IRAK4: variants seen among roughly 807,000 people sequenced by gnomAD.
IRAK4 encodes interleukin-1 receptor-associated kinase 4.
In IRAK4, 44 loss-of-function variants were observed where a neutral mutation model predicts 51.8. The ratio of observed to expected loss-of-function variants is 0.85; its 90% CI spans 0.67 to 1.09. IRAK4 has a LOEUF of 1.09. IRAK4 is among the 50% of genes least tolerant of loss of function. The pLI is 0.00. For synonymous variants in IRAK4, 149 were observed against 174.1 expected, an observed-to-expected ratio of 0.86 and a Z score of 1.13; for missense variants, 487 against 538.0, an observed-to-expected ratio of 0.91 and a Z score of 0.94.
chr12:43,789,203 G>GTGTT lies in IRAK4; in HGVS notation c.*2491_*2494dup, dbSNP rs1339502282. On this transcript the variant is annotated 3_prime_UTR_variant, in exon 12 of 12. Transcript: ENST00000613694. ...GGGTGGAGGTGGGGCCTGATGGGAA[G>GTGTT]TGTTTGGGTCATGGTGGATGATCCC... The GTGTT allele has an allele frequency of 6.6e-6, 1 of 152,214 alleles. No homozygotes were observed. The highest frequency in any genetic ancestry group is 1.5e-5 in the Non-Finnish European group (1 of 68,066). The allele number at this position is 152,214 out of a possible 1,614,324, so 9.4% of individuals were successfully genotyped here.
chr12:43,778,343 A>G, intron 8 of IRAK4, 41 bp downstream of exon 8: 1 of 1,112,726 alleles, frequency 9.0e-7, no homozygotes, highest in Non-Finnish European at 1.4e-6. Context: ...AGCTGTCTTT[A>G]AAGAATAATT....
Position 43,783,653 on chromosome 12 carries a change from T to G in IRAK4, c.1126-9T>G. ...TGTATTATATTAATGATTTTTTTTG[T>G]CTTCATAGGTTTTACTAGAAATAAT... On this transcript the variant is annotated splice_polypyrimidine_tract_variant and intron_variant, in intron 9 of 11. Coordinates refer to ENST00000613694, the MANE Select transcript of IRAK4 (RefSeq NM_016123.4). 1.3e-6 allele frequency: 2 copies of G among 1,575,828 alleles called. No individual in the cohort carries two copies.
intron 3 of IRAK4, 33 bp downstream of exon 3, chr12:43,771,398 A>G (rs1565669818): frequency 2.5e-6 from 4 of 1,610,362 alleles, no homozygotes; most frequent in Non-Finnish European, 1.7e-6. Flanking sequence ...GTCCACAATT[A>G]GGGTGGAAAG....
At chr12:43,774,684 T>A (rs1941110772) in intron 6 of IRAK4, among the ~76,000 whole-genome samples, 1 of 152,210 alleles carries the variant, frequency 6.6e-6, no homozygotes, top group Admixed American at 6.5e-5. Context: ...TAATAGGCCC[T>A]TATATATAAA....
Position 43,768,160 on chromosome 12 carries a change from G to A in IRAK4, c.49G>A (p.Gly17Arg), listed in dbSNP as rs1332080757. 1.2e-6 allele frequency: 2 copies of A among 1,613,574 alleles called. No individual in the cohort carries two copies. Among genetic ancestry groups the A allele is most frequent in the Non-Finnish European group, 1.7e-6 (2 of 1,179,688 alleles). The stretch of plus-strand genomic sequence containing the variant: ...AACATATGTGCGCTGCCTCAATGTT[G>A]GACTAATTAGGAAGCTGTCAGATTT... ...PSTYVRCLNV[G>R]LIRKLSDFID... Residue 17 changes from glycine to arginine, a missense_variant, in exon 2 of 12, where the codon GGA (glycine) becomes AGA (arginine). Physicochemically the swap from Gly to Arg is moderately radical, Grantham distance 125. Coordinates refer to ENST00000613694, the MANE Select transcript of IRAK4 (RefSeq NM_016123.4).
intron 4 of IRAK4, 92 bp downstream of exon 4, chr12:43,772,454 C>T: frequency 9.1e-7 from 1 of 1,100,274 alleles, no homozygotes; most frequent in Admixed American, 1.7e-5. Context: ...GTTTGTGCAG[C>T]AATCACAGGC....
At chr12:43,780,084 G>A (rs1400401755) in intron 8 of IRAK4, among the ~76,000 whole-genome samples, 4 of 152,242 alleles carry the variant, frequency 2.6e-5, no homozygotes, top group South Asian at 4.1e-4. Flanking sequence ...TGAAAACGAG[G>A]AAAGAAAGTG....
chr12:43,766,413 T>C (rs2137883687), intron 1 of IRAK4, among the ~76,000 whole-genome samples: 1 of 152,282 alleles, frequency 6.6e-6, no homozygotes, highest in Non-Finnish European at 1.5e-5. Context: ...CTGCCTCTGC[T>C]TGATGCCCCT....
chr12:43,784,583 A>G (rs1431656648), intron 10 of IRAK4, among the ~76,000 whole-genome samples: 1 of 152,198 alleles, frequency 6.6e-6, no homozygotes, highest in Non-Finnish European at 1.5e-5. Flanking sequence ...TACTTTACCT[A>G]AGTTTTCCAT....
At position 43,771,282 on chromosome 12, in the gene IRAK4, GCAC is replaced by G; in HGVS notation, c.228_230del (p.Thr77del). The G allele has an allele frequency of 2.5e-6, 4 of 1,613,826 alleles. No individual in the cohort carries two copies. Among genetic ancestry groups the G allele is most frequent in the Non-Finnish European group, 3.4e-6 (4 of 1,179,754 alleles). On this transcript the variant is annotated inframe_deletion, in exon 3 of 12. Transcript: ENST00000613694. ...ACTTCTGAATTACTGTTTGACTGGG[GCAC>G]CACAAATTGCACAGTTGGTGATCTT...
chr12:43,777,649 G>A lies in IRAK4; in HGVS notation c.736G>A (p.Val246Ile). The change falls in exon 7 of 12, where the codon GTA becomes ATA. Residue 246 changes from valine (V) to isoleucine (I), a missense_variant. Physicochemically the swap from Val to Ile is conservative, Grantham distance 29. Transcript: ENST00000613694. Reference sequence around the variant, plus strand: ...TCACAGGTGTCAACATGAAAACTTAGTAGAACTACTTGGTTTCTCAAGTGA... The same window carrying A: ...TCACAGGTGTCAACATGAAAACTTAATAGAACTACTTGGTTTCTCAAGTGA... ...VMAKCQHENLVELLGFSSDGD... is the reference protein window; with the variant it reads ...VMAKCQHENLIELLGFSSDGD... 6.2e-7 allele frequency: 1 copy of A among 1,607,732 alleles called. No homozygotes were observed. Among genetic ancestry groups the A allele is most frequent in the Admixed American group, 1.7e-5 (1 of 59,706 alleles).
At chr12:43,782,273 A>C in intron 8 of IRAK4, 34 bp from the exon 9 acceptor site, 1 of 1,540,638 alleles carries the variant, frequency 6.5e-7, no homozygotes, top group Non-Finnish European at 9.0e-7. Context: ...GGTGGGAAAA[A>C]CATTTTTTTC....
chr12:43,776,684 G>A (rs1473724383), intron 6 of IRAK4, among the ~76,000 whole-genome samples: 2 of 152,222 alleles, frequency 1.3e-5, no homozygotes, highest in African/African-American at 4.8e-5. Flanking sequence ...CTTGCGGTAG[G>A]TCACATATCC....
rs370042548 is a variant in IRAK4 at position 43,777,732 on chromosome 12, A to T, written c.819A>T (p.Arg273Ser). ...VYMPNGSLLD[R>S]LSCLDGTPPL... ...TGCCTAATGGTTCATTGCTAGACAGACTCTCTTGCTTGGTAAGCTATTTGT... is the reference window on the plus strand; with the variant it reads ...TGCCTAATGGTTCATTGCTAGACAGTCTCTCTTGCTTGGTAAGCTATTTGT... Residue 273 changes from arginine to serine, a missense_variant, in exon 7 of 12, where the codon AGA (arginine) becomes AGT (serine). Physicochemically the swap from Arg to Ser is moderately radical, Grantham distance 110. Coordinates refer to ENST00000613694, the MANE Select transcript of IRAK4 (RefSeq NM_016123.4). 1.2e-6 allele frequency: 2 copies of T among 1,609,194 alleles called. No homozygotes were observed. The highest frequency in any genetic ancestry group is 1.7e-6 in the Non-Finnish European group (2 of 1,176,382).
At chr12:43,768,345 G>A (rs1940393830) in intron 2 of IRAK4, 73 bp downstream of exon 2, 1 of 1,142,612 alleles carries the variant, frequency 8.8e-7, no homozygotes, top group Non-Finnish European at 1.3e-6. Flanking sequence ...TATAAGTACT[G>A]TCTAATGTGG....
intron 6 of IRAK4, among the ~76,000 whole-genome samples, chr12:43,775,500 A>G (rs770317482): frequency 3.3e-5 from 5 of 152,224 alleles, no homozygotes; most frequent in Admixed American, 1.3e-4. Flanking sequence ...ATATTTTTAT[A>G]TACTTGCTTC....
Position 43,778,231 on chromosome 12 carries a change from G to C in IRAK4, c.870G>C (p.Lys290Asn), listed in dbSNP as rs145622820. 6.2e-7 allele frequency: 1 copy of C among 1,611,582 alleles called. No individual in the cohort carries two copies. Among genetic ancestry groups the C allele is most frequent in the Non-Finnish European group, 8.5e-7 (1 of 1,177,826 alleles). Reference protein sequence around the residue: ...TPPLSWHMRCKIAQGAANGIN... With the variant: ...TPPLSWHMRCNIAQGAANGIN... Reference sequence around the variant, plus strand: ...CACTTTCTTGGCACATGAGATGCAAGATTGCTCAGGGTGCAGCTAATGGCA... The same window carrying C: ...CACTTTCTTGGCACATGAGATGCAACATTGCTCAGGGTGCAGCTAATGGCA... The change falls in exon 8 of 12, where the codon AAG (lysine) becomes AAC (asparagine). Residue 290 changes from lysine to asparagine, a missense_variant. Physicochemically the swap from Lys to Asn is moderately conservative, Grantham distance 94. Coordinates refer to ENST00000613694, the MANE Select transcript of IRAK4 (RefSeq NM_016123.4).
intron 9 of IRAK4, 48 bp from the exon 10 acceptor site, chr12:43,783,614 C>A: frequency 8.2e-7 from 1 of 1,215,384 alleles, no homozygotes; most frequent in Non-Finnish European, 1.2e-6. Flanking sequence ...AGCCACTGTG[C>A]CCAGCCTATC....
intron 2 of IRAK4, among the ~76,000 whole-genome samples, chr12:43,769,705 G>A (rs542423735): frequency 1.3e-5 from 2 of 152,068 alleles, no homozygotes; most frequent in South Asian, 4.2e-4. Context: ...GAAAGAGAAG[G>A]GTACATTTTT....
Sources: allele counts gnomAD v4.1 joint callset (sites outside exome capture counted in the v4.1 genomes callset), GRCh38; gene constraint gnomAD v4.1.1; transcripts MANE v1.5; gene names NCBI Gene and HGNC (gene_info 2026-07-23, HGNC 2026-07-21).